FAM169A: variants seen among roughly 807,000 people sequenced by gnomAD.
FAM169A encodes the protein family with sequence similarity 169 member A.
In FAM169A, 24 loss-of-function variants were observed where a neutral mutation model predicts 75.7. The ratio of observed to expected loss-of-function variants is 0.32; its 90% CI spans 0.23 to 0.45. FAM169A has a LOEUF of 0.45. FAM169A is among the 20% of genes least tolerant of loss of function. The pLI, the probability that FAM169A is intolerant of heterozygous loss-of-function variation, is 1.00. For synonymous variants in FAM169A, 271 were observed against 271.0 expected (o/e 1.00, Z 0.00); for missense variants, 673 against 784.0 (o/e 0.86, Z 1.69).
At chr5:74,797,983 G>A (rs1038534125) in intron 10 of FAM169A, among the ~76,000 whole-genome samples, 2 of 152,152 alleles carry the variant, frequency 1.3e-5, no homozygotes, top group Non-Finnish European at 2.9e-5. Context: ...ACAAAACCAG[G>A]TGGCAGGCCA....
intron 1 of FAM169A, among the ~76,000 whole-genome samples, chr5:74,853,659 C>T (rs1749557343): frequency 6.7e-6 from 1 of 150,068 alleles, no homozygotes; most frequent in African/African-American, 2.4e-5. Flanking sequence ...AATATAGTTT[C>T]TTCGGACTTT....
chr5:74,790,009 T>G (rs1745893137), intron 11 of FAM169A, among the ~76,000 whole-genome samples: 1 of 152,326 alleles, frequency 6.6e-6, no homozygotes, highest in Middle Eastern at 3.4e-3. Context: ...AAGTGGGTCA[T>G]GCACTGCAGC....
intron 6 of FAM169A, among the ~76,000 whole-genome samples, chr5:74,807,762 T>C (rs1561299760): frequency 6.6e-6 from 1 of 152,176 alleles, no homozygotes; most frequent in Non-Finnish European, 1.5e-5. Context: ...CTTTTAAAAA[T>C]GCTCAGTAAA....
chr5:74,834,468 T>C lies in FAM169A; in HGVS notation c.448A>G (p.Lys150Glu). ...SSTDYAKILWKKGEAIGFYSV... is the reference protein window; with the variant it reads ...SSTDYAKILWEKGEAIGFYSV... ...TAAAACCCAATGGCCTCTCCTTTCT[T>C]CCACAGAATCTTAGCATAATCAGTA... Residue 150 changes from lysine to glutamate, a missense_variant, in exon 5 of 13, where the codon AAG becomes GAG. Lys to Glu is a moderately conservative substitution (Grantham distance 56, BLOSUM62 1). Transcript: ENST00000687041. The C allele has an allele frequency of 6.3e-7, 1 of 1,575,940 alleles. No individual in the cohort carries two copies. The highest frequency in any genetic ancestry group is 1.8e-5 in the Admixed American group (1 of 54,850).
chr5:74,781,780 T>C lies in FAM169A; in HGVS notation c.1693A>G (p.Thr565Ala), dbSNP rs1420514631. 1 of 1,613,822 alleles carries C rather than the reference T, an allele frequency of 6.2e-7. No homozygotes were observed. Among genetic ancestry groups the C allele is most frequent in the African/African-American group, 1.3e-5 (1 of 74,898 alleles). Residue 565 changes from threonine (T) to alanine (A), a missense_variant, in exon 13 of 13, where the codon ACT (threonine) becomes GCT (alanine). Coordinates refer to ENST00000687041, the MANE Select transcript of FAM169A (RefSeq NM_001376049.1). Reference sequence around the variant, plus strand: ...TCACCCTGGTCTTCCAATGAGGAAGTAGTATTAGGAGACAAATTCTCAGAG... The same window carrying C: ...TCACCCTGGTCTTCCAATGAGGAAGCAGTATTAGGAGACAAATTCTCAGAG... The part of the protein sequence containing the change: ...PVSENLSPNT[T>A]SSLEDQGEEG...
chr5:74,825,251 T>C (rs976774601), intron 5 of FAM169A, among the ~76,000 whole-genome samples: 4 of 152,186 alleles, frequency 2.6e-5, no homozygotes, highest in African/African-American at 9.7e-5. Context: ...CAGAGCTTTG[T>C]GATCTGCTCC....
At chr5:74,864,490 A>C (rs888892589) in intron 1 of FAM169A, among the ~76,000 whole-genome samples, 7 of 152,228 alleles carry the variant, frequency 4.6e-5, no homozygotes, top group Non-Finnish European at 8.8e-5. Flanking sequence ...GGCCTCCCAA[A>C]GTGTTGGGAA....
intron 1 of FAM169A, among the ~76,000 whole-genome samples, chr5:74,847,182 T>C (rs76419675): frequency 1.5e-3 from 234 of 152,332 alleles, no homozygotes; most frequent in African/African-American, 5.4e-3. Flanking sequence ...CATTTTTAAG[T>C]ATACAGTTCC....
chr5:74,796,715 T>C (rs150494835), intron 10 of FAM169A, among the ~76,000 whole-genome samples: 1 of 152,136 alleles, frequency 6.6e-6, no homozygotes, highest in Non-Finnish European at 1.5e-5. Context: ...GAATCTTTTT[T>C]TTTTTTTTAA....
intron 1 of FAM169A, among the ~76,000 whole-genome samples, chr5:74,863,518 G>A (rs765498776): frequency 6.6e-6 from 1 of 152,172 alleles, no homozygotes; most frequent in Admixed American, 6.5e-5. Flanking sequence ...ATCCTTGACA[G>A]ATATTGTGGG....
chr5:74,852,803 C>T (rs1749510329), intron 1 of FAM169A, among the ~76,000 whole-genome samples: 1 of 152,124 alleles, frequency 6.6e-6, no homozygotes, highest in Non-Finnish European at 1.5e-5. Flanking sequence ...ATACAAGCAG[C>T]AGGCCATTAA....
At position 74,780,815 on chromosome 5, in the gene FAM169A, C is replaced by T. The variant is rs948038889; in HGVS notation, c.*645G>A. 2 of 152,144 alleles carry T rather than the reference C, an allele frequency of 1.3e-5. No individual in the cohort carries two copies. Among genetic ancestry groups the T allele is most frequent in the African/African-American group, 4.8e-5 (2 of 41,418 alleles). The allele number at this position is 152,144 out of a possible 1,614,324, so 9.4% of individuals were successfully genotyped here. The stretch of plus-strand genomic sequence containing the variant: ...GTTAACATCAGATGATAGAATGAAT[C>T]AGAAACAGATTTTATGTGTACCTTT... On this transcript the variant is annotated 3_prime_UTR_variant, in exon 13 of 13. Coordinates refer to ENST00000687041, the MANE Select transcript of FAM169A (RefSeq NM_001376049.1).
intron 4 of FAM169A, 118 bp downstream of exon 4, chr5:74,838,847 G>A (rs901626850): frequency 2.7e-6 from 2 of 742,916 alleles, no homozygotes; most frequent in African/African-American, 1.8e-5. Context: ...TGAAATTCTA[G>A]GGTTTAATAT....
intron 5 of FAM169A, among the ~76,000 whole-genome samples, chr5:74,832,568 A>G (rs1207040855): frequency 6.6e-6 from 1 of 150,696 alleles, no homozygotes; most frequent in African/African-American, 2.4e-5. Flanking sequence ...AGAAAAAAAT[A>G]TTACATACAT....
intron 1 of FAM169A, among the ~76,000 whole-genome samples, chr5:74,863,143 A>G (rs189664442): frequency 7.9e-5 from 12 of 152,308 alleles, no homozygotes; most frequent in Non-Finnish European, 1.3e-4. Flanking sequence ...ACGTTAAGGT[A>G]TCATATACCA....
chr5:74,836,961 G>C (rs1748601864), intron 4 of FAM169A, among the ~76,000 whole-genome samples: 1 of 150,794 alleles, frequency 6.6e-6, no homozygotes, highest in Non-Finnish European at 1.5e-5. Context: ...AAAAAAAAGA[G>C]AGGGAATGTT....
At chr5:74,794,641 T>C (rs1007321720) in intron 11 of FAM169A, among the ~76,000 whole-genome samples, 9 of 150,898 alleles carry the variant, frequency 6.0e-5, no homozygotes, top group African/African-American at 2.0e-4. Context: ...TAGCCGGGCG[T>C]TGTGGCGTGT....
Position 74,805,524 on chromosome 5 carries a change from C to CTTTTTTTTTTT in FAM169A, c.671-251_671-241dup, listed in dbSNP as rs1194674402. Among the ~76,000 whole-genome samples the CTTTTTTTTTTT allele has an allele frequency of 4.3e-4, 35 of 81,924 alleles. 3 individuals carry two copies. Among genetic ancestry groups the CTTTTTTTTTTT allele is most frequent in the South Asian group, 1.4e-3 (3 of 2,160 alleles). The allele number at this position is 81,924 out of a possible 152,430, so 53.7% of individuals were successfully genotyped here. A position where few individuals can be genotyped will look rare whatever the true frequency, so the allele number is the denominator to read the frequency against. ...AAAAATCCTTTAAAAATGTGCTTCG[C>CTTTTTTTTTTT]TTTTTTTTTTTTTTTTTTTTTTTGG... On this transcript the variant is annotated intron_variant, in intron 6 of 12. Coordinates refer to ENST00000687041, the MANE Select transcript of FAM169A (RefSeq NM_001376049.1).
chr5:74,828,399 C>CA (rs1346618825), intron 5 of FAM169A, among the ~76,000 whole-genome samples: 2 of 152,016 alleles, frequency 1.3e-5, no homozygotes, highest in Non-Finnish European at 2.9e-5. Flanking sequence ...TCCAGATTAG[C>CA]AAGATAAAGG....
Sources: gnomAD v4.1 joint callset for allele counts (sites outside exome capture counted in the v4.1 genomes callset) on GRCh38, gnomAD v4.1.1 for gene constraint, MANE v1.5 for transcripts, NCBI Gene and HGNC (gene_info 2026-07-23, HGNC 2026-07-21) for gene names.